The following DHX58 variants were observed in gnomAD, a reference collection of about 807,000 sequenced individuals.
DHX58 encodes DExH-box helicase 58.
Under a neutral mutation model 65.0 loss-of-function variants are expected in DHX58, and 51 were observed. The observed-to-expected ratio is 0.78, with a 90% confidence interval of 0.63 to 0.99. The LOEUF (loss-of-function observed/expected upper bound fraction) is 0.99. Ranked by LOEUF, DHX58 falls within the 50% of genes least tolerant of loss-of-function variation. The probability of loss-of-function intolerance (pLI) is 0.00; values close to 1 mark genes in which losing one functional copy is unlikely to be tolerated. For missense variants in DHX58, 773 were observed against 891.8 expected, an observed-to-expected ratio of 0.87 and a Z score of 1.70; for synonymous variants, 350 against 365.0, an observed-to-expected ratio of 0.96 and a Z score of 0.47.
At position 42,111,486 on chromosome 17, in the gene DHX58, C is replaced by G. The variant is rs1397936846; in HGVS notation, c.180G>C (p.Val60=). Residue 60 remains valine (V), a synonymous_variant, in exon 4 of 14, where the codon GTG becomes GTC. Coordinates refer to ENST00000251642, the MANE Select transcript of DHX58 (RefSeq NM_024119.3). ...VVVLVNRVHL[V]TQHGEEFRRM... ...GCCTGAACTCTTCACCATGCTGGGT[C>G]ACCAGGTGCACCTGGGGGTGGAGAA... The G allele has an allele frequency of 5.6e-6, 9 of 1,613,788 alleles. No individual in the cohort carries two copies. In the African/African-American group the frequency reaches 1.2e-4, roughly 22 times the overall value.
chr17:42,105,205 C>T (rs1555662392), intron 9 of DHX58, 38 bp from the exon 10 acceptor site: 1 of 1,568,468 alleles, frequency 6.4e-7, no homozygotes. Flanking sequence ...GAGGCTGGTA[C>T]ATGAGGAGGC....
rs1555661612 is a variant in DHX58, at chr17:42,101,872, G to A, written c.1926C>T (p.Thr642=). 2 of 1,614,122 alleles carry A rather than the reference G, an allele frequency of 1.2e-6. No individual in the cohort carries two copies. Among genetic ancestry groups the A allele is most frequent in the African/African-American group, 2.7e-5 (2 of 74,942 alleles). Residue 642 remains threonine (T), a synonymous_variant, in exon 14 of 14, where the codon ACC becomes ACT. Transcript: ENST00000251642. Reference sequence around the variant, plus strand: ...TTTTGGCCTGGATCCGCCCCTGAGGGGTCTCCAGCAGCATGCTGCGGACTT... The same window carrying A: ...TTTTGGCCTGGATCCGCCCCTGAGGAGTCTCCAGCAGCATGCTGCGGACTT... ...VLKVRSMLLE[T]PQGRIQAKKW... is the part of the protein sequence containing the mutation.
At chr17:42,106,740 T>C (rs1555662787) in intron 8 of DHX58, among the ~76,000 whole-genome samples, 51 of 150,290 alleles carry the variant, frequency 3.4e-4, no homozygotes, top group East Asian at 1.4e-3. Context: ...GGGGAGGTTG[T>C]AGTGAGCTGG....
chr17:42,105,249 C>T, intron 9 of DHX58, 82 bp from the exon 10 acceptor site: 5 of 1,468,086 alleles, frequency 3.4e-6, no homozygotes, highest in Non-Finnish European at 4.5e-6. Flanking sequence ...GTAGCCTCTT[C>T]TGGTTCAGCC....
intron 12 of DHX58, 32 bp from the exon 13 acceptor site, chr17:42,102,344 A>C (rs782354962): frequency 1.3e-6 from 2 of 1,581,880 alleles, no homozygotes; most frequent in Non-Finnish European, 1.7e-6. Context: ...CACAGCCCTC[A>C]TTGACCCTCC....
rs1555661982 is a variant in DHX58, at chr17:42,103,714, C to T, written c.1648G>A (p.Glu550Lys). 6.2e-7 allele frequency: 1 copy of T among 1,613,722 alleles called. No homozygotes were observed. Among genetic ancestry groups the T allele is most frequent in the South Asian group, 1.1e-5 (1 of 91,072 alleles). Reference protein sequence around the residue: ...RENQRQQFPVEHVQLLCINCM... With the variant: ...RENQRQQFPVKHVQLLCINCM... ...TTGATGCAGAGTAGCTGCACGTGCTCCACTGGGAACTGCTGCCGCTGGTTC... is the reference window on the plus strand; with the variant it reads ...TTGATGCAGAGTAGCTGCACGTGCTTCACTGGGAACTGCTGCCGCTGGTTC... The change falls in exon 12 of 14, where the codon GAG (glutamate) becomes AAG (lysine). Residue 550 changes from glutamate (E) to lysine (K), a missense_variant. Coordinates refer to ENST00000251642, the MANE Select transcript of DHX58 (RefSeq NM_024119.3).
chr17:42,109,709 A>G (rs1362294499), intron 5 of DHX58, among the ~76,000 whole-genome samples: 1 of 151,632 alleles, frequency 6.6e-6, no homozygotes, highest in Non-Finnish European at 1.5e-5. Flanking sequence ...AGCCTGGCCA[A>G]CGTGGTGAAA....
intron 6 of DHX58, 35 bp from the exon 7 acceptor site, chr17:42,108,143 C>A (rs1555663237): frequency 1.2e-6 from 2 of 1,613,812 alleles, no homozygotes; most frequent in South Asian, 1.1e-5. Flanking sequence ...GATTCCCATA[C>A]ACGTTGGAGG....
At chr17:42,109,902 AAG>A (rs2054122691) in intron 5 of DHX58, among the ~76,000 whole-genome samples, 1 of 150,874 alleles carries the variant, frequency 6.6e-6, no homozygotes, top group Admixed American at 6.6e-5. Flanking sequence ...AAAAAAAAAA[AAG>A]AGGCTGGGCA....
intron 12 of DHX58, 131 bp downstream of exon 12, chr17:42,103,477 T>G (rs1555661898): frequency 8.4e-7 from 1 of 1,194,690 alleles, no homozygotes; most frequent in Non-Finnish European, 1.2e-6. Flanking sequence ...ATAAAACCTG[T>G]CTAACCAGAT....
In DHX58 at chr17:42,112,125, G is replaced by T; in HGVS notation, c.-14C>A. 2.0e-6 allele frequency: 1 copy of T among 492,930 alleles called. No homozygotes were observed. Among genetic ancestry groups the T allele is most frequent in the Non-Finnish European group, 3.5e-6 (1 of 282,550 alleles). 30.5% of individuals were successfully genotyped at this position (492,930 alleles called of 1,614,324 possible). A position where few individuals can be genotyped will look rare whatever the true frequency, so the allele number is the denominator to read the frequency against. ...GCCCAGGACTCACCTGCTCTAGTAG[G>T]TAGGTCTGCCCAGGGCAGTCCCACT... On this transcript the variant is annotated 5_prime_UTR_variant, in exon 2 of 14. Transcript: ENST00000251642.
At chr17:42,107,890 A>G (rs2054088957) in intron 7 of DHX58, 92 bp downstream of exon 7, 1 of 1,577,152 alleles carries the variant, frequency 6.3e-7, no homozygotes, top group Non-Finnish European at 8.6e-7. Context: ...CCTGGGGTGG[A>G]TAGGCCCCGC....
rs781940653 is a variant in DHX58, at chr17:42,111,499, TG to T, written c.169-3del. On this transcript the variant is annotated splice_region_variant and splice_polypyrimidine_tract_variant and intron_variant, in intron 3 of 13. Coordinates refer to ENST00000251642, the MANE Select transcript of DHX58 (RefSeq NM_024119.3). Reference sequence around the variant, plus strand: ...ACCATGCTGGGTCACCAGGTGCACCTGGGGGTGGAGAATGAGCTGGGAAAAG... The same window carrying T: ...ACCATGCTGGGTCACCAGGTGCACCTGGGGTGGAGAATGAGCTGGGAAAAG... 3.4e-5 allele frequency: 55 copies of T among 1,613,386 alleles called. No individual in the cohort carries two copies. The highest frequency in any genetic ancestry group is 5.9e-6 in the Non-Finnish European group (7 of 1,179,836).
In DHX58 at chr17:42,111,365, T is replaced by C. The variant is rs549793858; in HGVS notation, c.301A>G (p.Ile101Val). 4.5e-5 allele frequency: 73 copies of C among 1,614,194 alleles called. No homozygotes were observed. The highest frequency in any genetic ancestry group is 4.3e-4 in the South Asian group (39 of 91,084). The change falls in exon 4 of 14, where the codon ATC (isoleucine) becomes GTC (valine). Residue 101 changes from isoleucine (I) to valine (V), a missense_variant. Physicochemically the swap from Ile to Val is conservative, Grantham distance 29. Coordinates refer to ENST00000251642, the MANE Select transcript of DHX58 (RefSeq NM_024119.3). ...GHLARCHDLL[I>V]CTAELLQMAL... is the part of the protein sequence containing the mutation. ...ATCTGCAGAAGCTCTGCTGTGCAGA[T>C]GAGCAGGTCATGGCACCGGGCCAGG...
At chr17:42,104,658 C>G in intron 11 of DHX58, 108 bp downstream of exon 11, 1 of 1,463,134 alleles carries the variant, frequency 6.8e-7, no homozygotes, top group Non-Finnish European at 9.1e-7. Context: ...AAAGTTAGCC[C>G]CGAGATGTAG....
At chr17:42,104,522 G>T (rs993943473) in intron 11 of DHX58, among the ~76,000 whole-genome samples, 63 of 152,132 alleles carry the variant, frequency 4.1e-4, no homozygotes, top group Admixed American at 9.2e-4. Context: ...GATACATAAA[G>T]TATCTCATGG....
intron 5 of DHX58, 68 bp downstream of exon 5, chr17:42,110,655 G>C: frequency 6.7e-7 from 1 of 1,501,110 alleles, no homozygotes; most frequent in Non-Finnish European, 8.9e-7. Context: ...GTAGTGGCAG[G>C]GCAGGCAGGG....
Position 42,112,095 on chromosome 17 carries a change from G to A in DHX58, c.-2+18C>T. 1.6e-6 allele frequency: 1 copy of A among 618,348 alleles called. No homozygotes were observed. Among genetic ancestry groups the A allele is most frequent in the Non-Finnish European group, 2.7e-6 (1 of 373,920 alleles). The allele number at this position is 618,348 out of a possible 1,614,324, so 38.3% of individuals were successfully genotyped here. ...GTAACACAGGCTACACCTGCCCCCT[G>A]CCCAGCCCAGGACTCACCTGCTCTA... On this transcript the variant is annotated intron_variant, in intron 2 of 13. Coordinates refer to ENST00000251642, the MANE Select transcript of DHX58 (RefSeq NM_024119.3).
intron 6 of DHX58, 87 bp downstream of exon 6, chr17:42,109,183 G>C (rs1555663506): frequency 4.5e-6 from 5 of 1,107,352 alleles, no homozygotes; most frequent in African/African-American, 1.5e-5. Flanking sequence ...AAGTCACAGA[G>C]CTAGTGAGGG....
Sources: allele counts gnomAD v4.1 joint callset (sites outside exome capture counted in the v4.1 genomes callset), GRCh38; gene constraint gnomAD v4.1.1; transcripts MANE v1.5; gene names NCBI Gene and HGNC (gene_info 2026-07-23, HGNC 2026-07-21).